Variants in CORIN observed in about 807,000 individuals in gnomAD.
CORIN encodes atrial natriuretic peptide-converting enzyme.
In CORIN, 117 loss-of-function variants were observed where a neutral mutation model predicts 125.3. The observed-to-expected ratio is 0.93, with a 90% CI of 0.80 to 1.09. The LOEUF is 1.09. Among genes scored for constraint, CORIN ranks in the 50% least tolerant of loss-of-function variants. The probability of loss-of-function intolerance (pLI) is 0.00; values close to 1 mark genes in which losing one functional copy is unlikely to be tolerated. For synonymous variants in CORIN, 450 were observed against 466.4 expected (o/e 0.96, Z 0.45); for missense variants, 1,253 against 1,306.7 (o/e 0.96, Z 0.63).
intron 4 of CORIN, among the ~76,000 whole-genome samples, chr4:47,750,284 G>C (rs886257730): frequency 6.6e-6 from 1 of 152,168 alleles, no homozygotes; most frequent in Admixed American, 6.5e-5. Flanking sequence ...AGCGGTGCAA[G>C]GGAATTTTTA....
At position 47,744,476 on chromosome 4, in the gene CORIN, T is replaced by G. The variant is rs766624936; in HGVS notation, c.725A>C (p.Gln242Pro). Residue 242 changes from glutamine to proline, a missense_variant, in exon 5 of 22, where the codon CAG (glutamine) becomes CCG (proline). Gln to Pro is a moderately conservative substitution (Grantham distance 76). Transcript: ENST00000273857. ...GCTGCTTTCAGTTTGGTTTCTAAAC[T>G]GGGAGCATCTGAGGAAATCCGGCCA... is the stretch of plus-strand genomic sequence containing the variant. ...YSWPDFLRCS[Q>P]FRNQTESSNV... The G allele has an allele frequency of 6.2e-7, 1 of 1,614,048 alleles. No individual in the cohort carries two copies. Among genetic ancestry groups the G allele is most frequent in the East Asian group, 2.2e-5 (1 of 44,868 alleles).
At chr4:47,604,472 A>G (rs777471207) in intron 19 of CORIN, among the ~76,000 whole-genome samples, 11 of 152,140 alleles carry the variant, frequency 7.2e-5, no homozygotes, top group Non-Finnish European at 1.0e-4. Flanking sequence ...TTAATGTTCA[A>G]TGGTCTATTT....
intron 19 of CORIN, among the ~76,000 whole-genome samples, chr4:47,606,276 A>G (rs916832933): frequency 6.6e-5 from 10 of 152,000 alleles, no homozygotes; most frequent in Admixed American, 5.9e-4. Context: ...TTCTTGAGTC[A>G]GGGTCTTGCT....
intron 2 of CORIN, among the ~76,000 whole-genome samples, chr4:47,800,762 C>T (rs1230348664): frequency 2.0e-5 from 3 of 152,184 alleles, no homozygotes; most frequent in South Asian, 2.1e-4. Flanking sequence ...CTGGGGCACT[C>T]GTTCTGTCTT....
chr4:47,673,844 G>A (rs1466495299), intron 10 of CORIN, among the ~76,000 whole-genome samples: 3 of 152,230 alleles, frequency 2.0e-5, no homozygotes, highest in Admixed American at 6.5e-5. Flanking sequence ...GGTGTTTAGC[G>A]CCTGTAATCC....
rs776620819 is a variant in CORIN, at chr4:47,595,737, G to A, written c.3113C>T (p.Thr1038Ile). 3 of 1,607,444 alleles carry A rather than the reference G, an allele frequency of 1.9e-6. No individual in the cohort carries two copies. Among genetic ancestry groups the A allele is most frequent in the Non-Finnish European group, 2.5e-6 (3 of 1,177,964 alleles). The change falls in exon 22 of 22, where the codon ACC (threonine) becomes ATC (isoleucine). Residue 1038 changes from threonine to isoleucine, a missense_variant. Physicochemically the swap from Thr to Ile is moderately conservative, Grantham distance 89 (BLOSUM62 -1). Coordinates refer to ENST00000273857, the MANE Select transcript of CORIN (RefSeq NM_006587.4). ...EWIKRQIYIQ[T>I]FLLN ...TCCTTATAATTAGTTTAGGAGAAAG[G>A]TCTGGATGTAAATCTGTCTTTTAAT...
chr4:47,736,805 A>C (rs1364486972), intron 5 of CORIN, among the ~76,000 whole-genome samples: 1 of 152,234 alleles, frequency 6.6e-6, no homozygotes, highest in Admixed American at 6.5e-5. Context: ...TGACCACTGC[A>C]AAGACAAGAT....
chr4:47,683,656 T>A (rs1725385575), intron 7 of CORIN, 75 bp downstream of exon 7: 1 of 1,036,492 alleles, frequency 9.6e-7, no homozygotes, highest in African/African-American at 1.6e-5. Flanking sequence ...TATTAACACA[T>A]AATGAACTGT....
chr4:47,763,309 A>AT, intron 4 of CORIN, 70 bp downstream of exon 4: 31 of 1,240,194 alleles, frequency 2.5e-5, no homozygotes, highest in Non-Finnish European at 2.8e-5. Context: ...CATTTGGATA[A>AT]TTTTTTTTCT....
At position 47,623,657 on chromosome 4, in the gene CORIN, A is replaced by G. The variant is rs759242885; in HGVS notation, c.2454T>C (p.Ser818=). 8 of 1,614,114 alleles carry G rather than the reference A, an allele frequency of 5.0e-6. No individual in the cohort carries two copies. In the Admixed American group the frequency reaches 1.3e-4, roughly 27 times the overall value. ...TATGTCCACTGGGTTCACTCTGCAG[A>G]GAACACTGCCATGGCCACCTTCCAG... is the stretch of plus-strand genomic sequence containing the variant. ...SRPGRWPWQC[S]LQSEPSGHIC... Residue 818 remains serine, a synonymous_variant, in exon 19 of 22, where the codon TCT becomes TCC. Coordinates refer to ENST00000273857, the MANE Select transcript of CORIN (RefSeq NM_006587.4).
At chr4:47,627,008 A>G (rs2109567154) in intron 16 of CORIN, among the ~76,000 whole-genome samples, 1 of 151,556 alleles carries the variant, frequency 6.6e-6, no homozygotes, top group South Asian at 2.1e-4. Context: ...TTTTTTGATG[A>G]AGTCTTGCTC....
intron 1 of CORIN, among the ~76,000 whole-genome samples, chr4:47,820,342 AAG>A (rs936274991): frequency 6.6e-6 from 1 of 152,134 alleles, no homozygotes; most frequent in African/African-American, 2.4e-5. Context: ...AATGCCAAGA[AAG>A]AGACCTGAGA....
intron 12 of CORIN, among the ~76,000 whole-genome samples, chr4:47,654,538 T>C (rs577964741): frequency 1.5e-4 from 23 of 152,226 alleles, no homozygotes; most frequent in African/African-American, 4.8e-4. Context: ...GGACTTTGCA[T>C]TGGAACTCAG....
rs1386877539 is a variant in CORIN at position 47,623,650 on chromosome 4, T to G, written c.2461A>C (p.Ser821Arg). The change falls in exon 19 of 22, where the codon AGT (serine) becomes CGT (arginine). Residue 821 changes from serine (S) to arginine (R), a missense_variant. By Grantham distance (110) the Ser-to-Arg change is moderately radical (BLOSUM62 -1). Transcript: ENST00000273857. ...CCACAGATATGTCCACTGGGTTCACTCTGCAGAGAACACTGCCATGGCCAC... is the reference window on the plus strand; with the variant it reads ...CCACAGATATGTCCACTGGGTTCACGCTGCAGAGAACACTGCCATGGCCAC... The part of the protein sequence containing the change: ...GRWPWQCSLQ[S>R]EPSGHICGCV... 1.9e-6 allele frequency: 3 copies of G among 1,614,104 alleles called. No individual in the cohort carries two copies. Among genetic ancestry groups the G allele is most frequent in the Non-Finnish European group, 2.5e-6 (3 of 1,180,034 alleles).
chr4:47,697,484 C>T (rs554364907), intron 5 of CORIN, among the ~76,000 whole-genome samples: 4 of 152,196 alleles, frequency 2.6e-5, no homozygotes, highest in South Asian at 2.1e-4. Context: ...AAGGCCGAGG[C>T]GGGCAGATCG....
intron 8 of CORIN, among the ~76,000 whole-genome samples, chr4:47,679,367 CT>C (rs35035691): frequency 0.46 from 67,322 of 147,452 alleles, 16,967 homozygotes; most frequent in Non-Finnish European, 0.59. Flanking sequence ...TACGTTCTCT[CT>C]TTTTTTTTTT....
chr4:47,803,754 T>C (rs1242983434), intron 2 of CORIN, among the ~76,000 whole-genome samples: 1 of 152,206 alleles, frequency 6.6e-6, no homozygotes, highest in African/African-American at 2.4e-5. Flanking sequence ...ATGAAAATGC[T>C]AAAAGAAAAC....
chr4:47,722,308 T>C (rs1727382974), intron 5 of CORIN, among the ~76,000 whole-genome samples: 1 of 152,208 alleles, frequency 6.6e-6, no homozygotes, highest in Non-Finnish European at 1.5e-5. Context: ...TTTAAAGGAA[T>C]CAATTTCCAC....
At chr4:47,749,362 A>G (rs1019704355) in intron 4 of CORIN, among the ~76,000 whole-genome samples, 5 of 152,206 alleles carry the variant, frequency 3.3e-5, no homozygotes, top group Non-Finnish European at 7.3e-5. Flanking sequence ...AACTTGTCAT[A>G]TTGAGGAGAC....
Sources: gnomAD v4.1 joint callset for allele counts (sites outside exome capture counted in the v4.1 genomes callset) on GRCh38, gnomAD v4.1.1 for gene constraint, MANE v1.5 for transcripts, NCBI Gene and HGNC (gene_info 2026-07-23, HGNC 2026-07-21) for gene names.